SPG11: variants seen among roughly 807,000 people sequenced by gnomAD.
SPG11 encodes the protein SPG11 vesicle trafficking associated, spatacsin.
SPG11 carries 222 observed loss-of-function variants against 274.0 expected under a neutral mutation model. The observed-to-expected ratio is 0.81, with a 90% CI of 0.73 to 0.91. SPG11 has a LOEUF of 0.91. SPG11 is among the 40% of genes least tolerant of loss of function. The pLI is 0.00. For missense variants in SPG11, 3,114 were observed against 2,872.7 expected, an observed-to-expected ratio of 1.08 and a Z score of -1.92; for synonymous variants, 1,144 against 1,039.7, an observed-to-expected ratio of 1.10 and a Z score of -1.93.
At chr15:44,565,781 T>C in intron 38 of SPG11, 73 bp downstream of exon 38, 1 of 1,589,270 alleles carries the variant, frequency 6.3e-7, no homozygotes, top group Non-Finnish European at 8.6e-7. Flanking sequence ...AGACCTTACC[T>C]CTGGGTTCCA....
At chr15:44,585,564 T>C (rs1346163368) in intron 29 of SPG11, 72 bp downstream of exon 29, 10 of 1,302,598 alleles carry the variant, frequency 7.7e-6, no homozygotes, top group African/African-American at 1.6e-5. Flanking sequence ...ATCGCGCCAC[T>C]GCACTCCAGC....
intron 38 of SPG11, 86 bp downstream of exon 38, chr15:44,565,768 C>G (rs1240570301): frequency 3.2e-6 from 5 of 1,555,116 alleles, no homozygotes; most frequent in Non-Finnish European, 4.4e-6. Context: ...GTCACTAGCC[C>G]TGAGACCTTA....
At chr15:44,577,482 AAC>A (rs1424172894) in intron 30 of SPG11, among the ~76,000 whole-genome samples, 4 of 150,192 alleles carry the variant, frequency 2.7e-5, no homozygotes, top group African/African-American at 9.8e-5. Context: ...CAGCCTGGGC[AAC>A]AGAGTGAGGC....
At chr15:44,629,523 A>G (rs1434545850) in intron 8 of SPG11, 135 bp from the exon 9 acceptor site, 3 of 975,572 alleles carry the variant, frequency 3.1e-6, no homozygotes, top group Non-Finnish European at 4.6e-6. Context: ...AAAGCTCACA[A>G]AACTTTTCTG....
At chr15:44,610,222 AT>A (rs932767257) in intron 18 of SPG11, among the ~76,000 whole-genome samples, 1 of 143,344 alleles carries the variant, frequency 7.0e-6, no homozygotes. Context: ...TAATTTTTAA[AT>A]TTTTTTTTTG....
rs184570586 is a variant in SPG11 at position 44,619,936 on chromosome 15, G to A, written c.2834+254C>T. Among the ~76,000 whole-genome samples the A allele has an allele frequency of 6.6e-5, 10 of 152,134 alleles. No homozygotes were observed. In the East Asian group the frequency reaches 1.9e-3, roughly 29 times the overall value. On this transcript the variant is annotated intron_variant, in intron 15 of 39. Transcript: ENST00000261866. The stretch of plus-strand genomic sequence containing the variant: ...TCACCGTGTTGGCAAGATTTGTCTT[G>A]AACTCCTGACCTCAGGTGATCTGCC...
intron 7 of SPG11, 38 bp from the exon 8 acceptor site, chr15:44,633,675 A>G: frequency 6.3e-7 from 1 of 1,599,528 alleles, no homozygotes; most frequent in East Asian, 2.2e-5. Context: ...GAAAAAAATT[A>G]CAATAGGAAA....
Position 44,584,517 on chromosome 15 carries a change from CCACTGTT to C in SPG11, c.5156_5162del (p.Glu1719GlyfsTer3), listed in dbSNP as rs1381237268. ...AGTCAATTCTTGCTTGTTTTAGTGA[CCACTGTT>C]CAATGTGTTTTAGGGTCTGCATTTC... is the stretch of plus-strand genomic sequence containing the variant. On this transcript the variant is annotated frameshift_variant, in exon 30 of 40. Coordinates refer to ENST00000261866, the MANE Select transcript of SPG11 (RefSeq NM_025137.4). LOFTEE classifies it high-confidence loss of function. 1 of 1,613,164 alleles carries C rather than the reference CCACTGTT, an allele frequency of 6.2e-7. No homozygotes were observed. Among genetic ancestry groups the C allele is most frequent in the Non-Finnish European group, 8.5e-7 (1 of 1,180,012 alleles).
chr15:44,622,642 T>C (rs1355726415), intron 12 of SPG11, 86 bp downstream of exon 12: 14 of 1,119,862 alleles, frequency 1.3e-5, no homozygotes, highest in Non-Finnish European at 1.8e-5. Context: ...TAAAATTACT[T>C]AAGGTTTTTC....
intron 32 of SPG11, 163 bp downstream of exon 32, chr15:44,573,384 A>G: frequency 1.4e-6 from 1 of 732,738 alleles, no homozygotes; most frequent in Non-Finnish European, 2.4e-6. Context: ...TTTGTAAAAA[A>G]TAAAGCATGT....
chr15:44,638,144 ATTATTCAAAACAATTAG>A (rs1157378708), intron 7 of SPG11, among the ~76,000 whole-genome samples: 3 of 152,272 alleles, frequency 2.0e-5, no homozygotes, highest in African/African-American at 4.8e-5. Flanking sequence ...ACGGACCTGT[ATTATTCAAAACAATTAG>A]TTATTAACTG....
At chr15:44,648,241 C>T (rs2141096805) in intron 7 of SPG11, among the ~76,000 whole-genome samples, 1 of 152,204 alleles carries the variant, frequency 6.6e-6, no homozygotes, top group African/African-American at 2.4e-5. Context: ...AGGCTGGGTG[C>T]AGTGGCTCAC....
chr15:44,630,554 G>A (rs1022787411), intron 8 of SPG11, among the ~76,000 whole-genome samples: 1 of 152,172 alleles, frequency 6.6e-6, no homozygotes, highest in South Asian at 2.1e-4. Context: ...ACCAAACTCT[G>A]CACTCAAAAC....
At position 44,595,277 on chromosome 15, in the gene SPG11, A is replaced by G. The variant is rs1227955161; in HGVS notation, c.4617T>C (p.Gly1539=). ...TRQKSKTLIR[G]FQLFFKDSPL... ...TCACTACCTTAAAGAAAAGCTGGAAACCTCTGATGAGAGTTTTGCTCTTTT... is the reference window on the plus strand; with the variant it reads ...TCACTACCTTAAAGAAAAGCTGGAAGCCTCTGATGAGAGTTTTGCTCTTTT... The change falls in exon 26 of 40, where the codon GGT becomes GGC. Residue 1539 remains glycine (G), a synonymous_variant. Transcript: ENST00000261866. The G allele has an allele frequency of 6.2e-7, 1 of 1,614,024 alleles. No individual in the cohort carries two copies. The highest frequency in any genetic ancestry group is 8.5e-7 in the Non-Finnish European group (1 of 1,180,020).
At position 44,651,378 on chromosome 15, in the gene SPG11, A is replaced by C. The variant is rs117607419; in HGVS notation, c.1456+113T>G. On this transcript the variant is annotated intron_variant, in intron 6 of 39. Transcript: ENST00000261866. ...AAGAATAACAAGAAACTTCCTCTAT[A>C]AACAATTACAATACCACTTAAAGGC... is the stretch of plus-strand genomic sequence containing the variant. The C allele has an allele frequency of 5.9e-3, 5,378 of 915,904 alleles. 31 individuals carry two copies. The highest frequency in any genetic ancestry group is 7.5e-3 in the Non-Finnish European group (4,423 of 586,442). 56.7% of individuals were successfully genotyped at this position (915,904 alleles called of 1,614,324 possible).
At chr15:44,633,359 A>AAAAAAAAAAG (rs1567177921) in intron 8 of SPG11, 146 bp downstream of exon 8, 12 of 356,616 alleles carry the variant, frequency 3.4e-5, no homozygotes, top group Non-Finnish European at 3.8e-5. Context: ...AAAAAAAAAA[A>AAAAAAAAAAG]AAAGAAAGTT....
rs765112961 is a variant in SPG11 at position 44,566,058 on chromosome 15, C to G, written c.6844-49G>C. ...ACAGTAGAGAAAGACCTAGTTGTCACCTCCTGTGTGAACCCTCACAACGGT... is the reference window on the plus strand; with the variant it reads ...ACAGTAGAGAAAGACCTAGTTGTCAGCTCCTGTGTGAACCCTCACAACGGT... On this transcript the variant is annotated intron_variant, in intron 37 of 39. Coordinates refer to ENST00000261866, the MANE Select transcript of SPG11 (RefSeq NM_025137.4). 2.5e-6 allele frequency: 4 copies of G among 1,610,330 alleles called. No individual in the cohort carries two copies. The East Asian group carries it at 8.9e-5, about 36-fold the overall frequency.
intron 7 of SPG11, among the ~76,000 whole-genome samples, chr15:44,639,252 A>AAC (rs563798792): frequency 2.0e-3 from 298 of 148,712 alleles, no homozygotes; most frequent in African/African-American, 5.9e-3. Context: ...GGTATCTTAA[A>AAC]ACACACACAC....
chr15:44,582,096 A>G (rs956143394), intron 30 of SPG11, among the ~76,000 whole-genome samples: 2 of 152,214 alleles, frequency 1.3e-5, no homozygotes, highest in Non-Finnish European at 2.9e-5. Flanking sequence ...ATCTTCCAAA[A>G]TGGAAATCTC....
Sources: gnomAD v4.1 joint callset for allele counts (sites outside exome capture counted in the v4.1 genomes callset) on GRCh38, gnomAD v4.1.1 for gene constraint, MANE v1.5 for transcripts, NCBI Gene and HGNC (gene_info 2026-07-23, HGNC 2026-07-21) for gene names.